The following VWA3B variants were observed in gnomAD, a reference collection of about 807,000 sequenced individuals.
VWA3B encodes the protein von Willebrand factor A domain containing 3B, also known as von Willebrand factor A domain-containing protein 3B.
VWA3B carries 138 observed loss-of-function variants against 158.3 expected under a neutral mutation model. The ratio of observed to expected loss-of-function variants is 0.87; its 90% CI spans 0.76 to 1.00. The LOEUF is 1.00. Among genes scored for constraint, VWA3B ranks in the 50% least tolerant of loss-of-function variants. The pLI is 0.00. For missense variants in VWA3B, 1,555 were observed against 1,565.1 expected (o/e 0.99, Z 0.11); for synonymous variants, 596 against 587.3 (o/e 1.01, Z -0.21).
At chr2:98,309,036 G>A (rs1690714883) in intron 26 of VWA3B, among the ~76,000 whole-genome samples, 2 of 151,828 alleles carry the variant, frequency 1.3e-5, no homozygotes, top group African/African-American at 4.8e-5. Context: ...GATGGACATG[G>A]TGGTGGGCAC....
At chr2:98,230,295 A>G in intron 16 of VWA3B, 88 bp downstream of exon 16, 1 of 1,306,548 alleles carries the variant, frequency 7.7e-7, no homozygotes, top group Non-Finnish European at 1.0e-6. Context: ...TAATATTTTT[A>G]AGAAGCACTA....
At chr2:98,236,348 A>AT (rs776453344) in intron 17 of VWA3B, 42 bp from the exon 18 acceptor site, 14 of 1,608,332 alleles carry the variant, frequency 8.7e-6, no homozygotes, top group Non-Finnish European at 1.2e-5. Context: ...TGTAAAACCC[A>AT]TATGTGAGGA....
chr2:98,211,718 A>G (rs986216949), intron 12 of VWA3B, among the ~76,000 whole-genome samples: 13 of 152,224 alleles, frequency 8.5e-5, no homozygotes, highest in African/African-American at 2.9e-4. Flanking sequence ...CCTGACTTCT[A>G]GCAGTCCTTG....
Position 98,093,086 on chromosome 2 carries a change from T to C in VWA3B, c.-7T>C. ...GAGTTTGCTGTGACTTAGATCTTGA[T>C]TCAGAGATGGAGAAATCAGGCCCAT... On this transcript the variant is annotated 5_prime_UTR_variant, in exon 2 of 28. Coordinates refer to ENST00000477737, the MANE Select transcript of VWA3B (RefSeq NM_144992.5). 1.2e-6 allele frequency: 2 copies of C among 1,612,666 alleles called. No individual in the cohort carries two copies. Among genetic ancestry groups the C allele is most frequent in the South Asian group, 2.2e-5 (2 of 91,000 alleles).
chr2:98,239,684 G>A (rs1388018154), intron 19 of VWA3B, among the ~76,000 whole-genome samples: 1 of 151,960 alleles, frequency 6.6e-6, no homozygotes, highest in Non-Finnish European at 1.5e-5. Context: ...GGAGGCCGAG[G>A]CAGCGGATCA....
At chr2:98,255,052 C>T (rs979304859) in intron 20 of VWA3B, among the ~76,000 whole-genome samples, 1 of 151,628 alleles carries the variant, frequency 6.6e-6, no homozygotes, top group Non-Finnish European at 1.5e-5. Flanking sequence ...CTCGCTCTGT[C>T]ACCCAGGCTG....
the VWA3B span, among the ~76,000 whole-genome samples, chr2:98,323,553 A>T: frequency 1.3e-5 from 2 of 152,122 alleles, no homozygotes; most frequent in Non-Finnish European, 2.9e-5. Context: ...AACTTCCAAA[A>T]TGTGGTAGAA....
At chr2:98,117,134 C>T (rs942932551) in intron 3 of VWA3B, among the ~76,000 whole-genome samples, 4 of 152,146 alleles carry the variant, frequency 2.6e-5, no homozygotes, top group Non-Finnish European at 5.9e-5. Flanking sequence ...GGTTAAGAAC[C>T]ACTGCTGAGG....
chr2:98,174,143 T>C (rs937307883), intron 8 of VWA3B, among the ~76,000 whole-genome samples: 1 of 152,176 alleles, frequency 6.6e-6, no homozygotes, highest in Admixed American at 6.5e-5. Flanking sequence ...AGAATCAACC[T>C]TTTTCATAAC....
At chr2:98,195,293 A>G (rs974886439) in intron 12 of VWA3B, among the ~76,000 whole-genome samples, 1 of 152,226 alleles carries the variant, frequency 6.6e-6, no homozygotes, top group Non-Finnish European at 1.5e-5. Context: ...TTTCTTAAAA[A>G]GGCAAATATG....
At chr2:98,317,810 T>C (rs911782437), downstream of VWA3B, among the ~76,000 whole-genome samples, 7 of 152,242 alleles carry the variant, frequency 4.6e-5, no homozygotes, top group African/African-American at 1.7e-4. Flanking sequence ...CTGAGGGCTG[T>C]GTCACGGGCC....
At chr2:98,239,643 G>A (rs1424505359) in intron 19 of VWA3B, among the ~76,000 whole-genome samples, 5 of 151,768 alleles carry the variant, frequency 3.3e-5, no homozygotes, top group African/African-American at 9.7e-5. Context: ...GGCCAGGTGC[G>A]GTGGCTCACA....
At chr2:98,264,835 G>C (rs1687698992) in intron 21 of VWA3B, among the ~76,000 whole-genome samples, 1 of 152,014 alleles carries the variant, frequency 6.6e-6, no homozygotes, top group South Asian at 2.1e-4. Flanking sequence ...CTGGGTTGCT[G>C]TCTATTTCTT....
chr2:98,268,979 C>G (rs1200325476), intron 21 of VWA3B, among the ~76,000 whole-genome samples: 2 of 152,086 alleles, frequency 1.3e-5, no homozygotes, highest in Non-Finnish European at 2.9e-5. Flanking sequence ...ACTACTCAGG[C>G]TTATCATGGT....
At chr2:98,326,995 G>GA in the VWA3B span, among the ~76,000 whole-genome samples, 6,325 of 135,740 alleles carry the variant, frequency 0.047, 235 homozygotes, top group African/African-American at 0.11. Flanking sequence ...TGAGTCACTT[G>GA]AAAAAAAAAA....
chr2:98,272,069 C>A (rs181316918), intron 22 of VWA3B, among the ~76,000 whole-genome samples: 1 of 152,218 alleles, frequency 6.6e-6, no homozygotes, highest in Non-Finnish European at 1.5e-5. Flanking sequence ...CGGCAGACAC[C>A]GGTTGGTTCT....
At chr2:98,214,790 G>A (rs1310644920) in intron 13 of VWA3B, among the ~76,000 whole-genome samples, 2 of 152,112 alleles carry the variant, frequency 1.3e-5, no homozygotes, top group Non-Finnish European at 2.9e-5. Context: ...GATTGTTTTT[G>A]AGCTTTCTGA....
chr2:98,096,432 C>A (rs1682714532), intron 2 of VWA3B, among the ~76,000 whole-genome samples: 1 of 152,136 alleles, frequency 6.6e-6, no homozygotes, highest in African/African-American at 2.4e-5. Context: ...CCATGCCCAG[C>A]AAATTTTTGT....
chr2:98,203,259 G>T (rs1286692269), intron 12 of VWA3B, among the ~76,000 whole-genome samples: 1 of 152,200 alleles, frequency 6.6e-6, no homozygotes, highest in Non-Finnish European at 1.5e-5. Flanking sequence ...GCAGGTCTTT[G>T]TATGGGTTCC....
Sources: allele counts gnomAD v4.1 joint callset (sites outside exome capture counted in the v4.1 genomes callset), GRCh38; gene constraint gnomAD v4.1.1; transcripts MANE v1.5; gene names NCBI Gene and HGNC (gene_info 2026-07-23, HGNC 2026-07-21).